UVRAG: variants seen among roughly 807,000 people sequenced by gnomAD.
UVRAG encodes UV radiation resistance-associated gene protein.
Under a neutral mutation model 78.0 loss-of-function variants are expected in UVRAG, and 19 were observed. That is an observed-to-expected ratio of 0.24 (90% CI 0.17 to 0.36). The LOEUF is 0.36. Ranked by LOEUF, UVRAG falls within the 10% of genes least tolerant of loss-of-function variation. The pLI is 1.00. For synonymous variants in UVRAG, 323 were observed against 324.6 expected (o/e 1.00, Z 0.05); for missense variants, 740 against 853.8 (o/e 0.87, Z 1.66).
chr11:76,094,355 G>A (rs1951752928), intron 13 of UVRAG, among the ~76,000 whole-genome samples: 1 of 152,136 alleles, frequency 6.6e-6, no homozygotes, highest in Non-Finnish European at 1.5e-5. Flanking sequence ...TTTGCTATCA[G>A]GATGATGTTG....
intron 13 of UVRAG, among the ~76,000 whole-genome samples, chr11:76,070,413 A>G (rs1951279941): frequency 6.6e-6 from 1 of 152,172 alleles, no homozygotes; most frequent in African/African-American, 2.4e-5. Context: ...GTAATATTGT[A>G]TTGTGTACTG....
chr11:75,920,407 C>T (rs1478220839), intron 6 of UVRAG, among the ~76,000 whole-genome samples: 4 of 151,956 alleles, frequency 2.6e-5, no homozygotes, highest in Admixed American at 6.6e-5. Flanking sequence ...TTTATTCATC[C>T]GTCTCTACAT....
intron 12 of UVRAG, among the ~76,000 whole-genome samples, chr11:76,060,937 C>T (rs1951075821): frequency 6.6e-6 from 1 of 152,254 alleles, no homozygotes; most frequent in Non-Finnish European, 1.5e-5. Context: ...CACCCAAGGG[C>T]TGAGGAGTGC....
chr11:76,017,534 T>A (rs1950171249), intron 12 of UVRAG, among the ~76,000 whole-genome samples: 1 of 151,750 alleles, frequency 6.6e-6, no homozygotes, highest in African/African-American at 2.4e-5. Flanking sequence ...AGACATGAAA[T>A]TACAAATTCA....
intron 1 of UVRAG, among the ~76,000 whole-genome samples, chr11:75,839,862 TAGAGAGAG>T (rs1555071898): frequency 6.7e-6 from 1 of 148,924 alleles, no homozygotes; most frequent in African/African-American, 2.5e-5. Context: ...CATATATATA[TAGAGAGAG>T]AGAGAGAGAG....
intron 6 of UVRAG, chr11:75,930,978 T>TCTTC (rs1266707242): frequency 3.0e-4 from 45 of 151,878 alleles, no homozygotes; most frequent in Admixed American, 2.6e-4. Context: ...TTTCTTTCTT[T>TCTTC]CTTTCTTTCC....
rs761961307 is a variant in UVRAG, at chr11:76,003,290, G to A, written c.827-715G>A. Among the ~76,000 whole-genome samples, 285 of 76,874 alleles carry A rather than the reference G, an allele frequency of 3.7e-3. 2 individuals carry two copies. The highest frequency in any genetic ancestry group is 0.025 in the Middle Eastern group (2 of 80). The allele number at this position is 76,874 out of a possible 152,430, so 50.4% of individuals were successfully genotyped here. ...TTTTTTTTTTTTTTTTTTTTTTTTG[G>A]AGACAGAGTCTCGTTCTCTTGCCCA... On this transcript the variant is annotated intron_variant, in intron 8 of 14. Coordinates refer to ENST00000356136, the MANE Select transcript of UVRAG (RefSeq NM_003369.4).
chr11:75,931,303 G>T (rs964574238), intron 6 of UVRAG, among the ~76,000 whole-genome samples: 2 of 152,068 alleles, frequency 1.3e-5, no homozygotes, highest in African/African-American at 4.8e-5. Context: ...CCTTCCAGGA[G>T]ATTTTAGTCT....
chr11:75,877,352 A>G (rs1946812662), intron 3 of UVRAG, among the ~76,000 whole-genome samples: 2 of 152,042 alleles, frequency 1.3e-5, no homozygotes, highest in South Asian at 2.1e-4. Flanking sequence ...CCCGTTCTCA[A>G]TGAGCTGTTG....
intron 8 of UVRAG, among the ~76,000 whole-genome samples, chr11:75,989,005 T>G (rs1399759099): frequency 6.6e-6 from 1 of 152,316 alleles, no homozygotes; most frequent in East Asian, 1.9e-4. Flanking sequence ...TATATGTTTT[T>G]TCTTCCCTAT....
At chr11:75,931,691 G>C (rs574384002) in intron 6 of UVRAG, among the ~76,000 whole-genome samples, 4 of 151,950 alleles carry the variant, frequency 2.6e-5, no homozygotes, top group Non-Finnish European at 5.9e-5. Flanking sequence ...CAATGTATTT[G>C]TTTCTGTTAT....
chr11:76,118,080 G>A (rs1276444876), intron 14 of UVRAG, among the ~76,000 whole-genome samples: 3 of 152,062 alleles, frequency 2.0e-5, no homozygotes, highest in Admixed American at 6.5e-5. Flanking sequence ...ATGTTACATC[G>A]CTTGCTTTTT....
chr11:75,920,593 C>T (rs979181556), intron 6 of UVRAG, among the ~76,000 whole-genome samples: 6 of 151,996 alleles, frequency 3.9e-5, no homozygotes, highest in African/African-American at 1.5e-4. Context: ...GCCCTTTTCC[C>T]CCATTCCGCT....
chr11:76,009,266 G>A (rs1950006890), intron 11 of UVRAG, among the ~76,000 whole-genome samples: 1 of 152,054 alleles, frequency 6.6e-6, no homozygotes, highest in Admixed American at 6.5e-5. Context: ...GACCTGAAAA[G>A]TATTTGAAAA....
intron 1 of UVRAG, among the ~76,000 whole-genome samples, chr11:75,840,241 T>C (rs2135839503): frequency 6.6e-6 from 1 of 152,140 alleles, no homozygotes; most frequent in East Asian, 1.9e-4. Flanking sequence ...AGTTCTTTAG[T>C]AAGATCATAT....
chr11:75,867,350 A>G (rs1049601879), intron 3 of UVRAG, among the ~76,000 whole-genome samples: 1 of 152,168 alleles, frequency 6.6e-6, no homozygotes, highest in Non-Finnish European at 1.5e-5. Context: ...TTTTAACACC[A>G]TAGGTTAATT....
At chr11:76,066,006 C>T (rs578129099) in intron 13 of UVRAG, among the ~76,000 whole-genome samples, 2 of 152,294 alleles carry the variant, frequency 1.3e-5, no homozygotes, top group East Asian at 1.9e-4. Flanking sequence ...CCTCTTGCTA[C>T]TTGCTAAACT....
intron 5 of UVRAG, among the ~76,000 whole-genome samples, chr11:75,894,017 A>G (rs1455043640): frequency 6.6e-6 from 1 of 152,210 alleles, no homozygotes; most frequent in Non-Finnish European, 1.5e-5. Flanking sequence ...AATGATGCAC[A>G]TAGAAGATGA....
intron 6 of UVRAG, among the ~76,000 whole-genome samples, chr11:75,920,008 G>GTTT (rs140217190): frequency 0.039 from 2,184 of 55,586 alleles, 369 homozygotes; most frequent in East Asian, 0.095. Flanking sequence ...AATAATTTTG[G>GTTT]TTTTTTTTTT....
Sources: gnomAD v4.1 joint callset for allele counts (sites outside exome capture counted in the v4.1 genomes callset) on GRCh38, gnomAD v4.1.1 for gene constraint, MANE v1.5 for transcripts, NCBI Gene and HGNC (gene_info 2026-07-23, HGNC 2026-07-21) for gene names.